Variants in DAB1 observed in about 807,000 individuals in gnomAD.
DAB1 encodes the protein disabled homolog 1.
Under a neutral mutation model 64.6 loss-of-function variants are expected in DAB1, and 15 were observed. The ratio of observed to expected loss-of-function variants is 0.23; its 90% CI spans 0.16 to 0.36. The LOEUF (loss-of-function observed/expected upper bound fraction) is 0.36. Among genes scored for constraint, DAB1 ranks in the 10% least tolerant of loss-of-function variants. The pLI, the probability that DAB1 is intolerant of heterozygous loss-of-function variation, is 1.00. For synonymous variants in DAB1, 235 were observed against 251.9 expected (o/e 0.93, Z 0.64); for missense variants, 596 against 706.7 (o/e 0.84, Z 1.78).
At chr1:57,623,023 C>T (rs982230895) in intron 7 of DAB1, among the ~76,000 whole-genome samples, 1 of 152,152 alleles carries the variant, frequency 6.6e-6, no homozygotes, top group Non-Finnish European at 1.5e-5. Context: ...TATAGAAGGG[C>T]TATTAGTCTT....
chr1:57,371,697 A>G (rs1261539257), intron 1 of DAB1, among the ~76,000 whole-genome samples: 3 of 152,210 alleles, frequency 2.0e-5, no homozygotes, highest in Non-Finnish European at 4.4e-5. Flanking sequence ...TCAGGTTTGC[A>G]TCTACATCTT....
chr1:57,956,271 A>G (rs1452011269), intron 5 of DAB1, among the ~76,000 whole-genome samples: 1 of 152,136 alleles, frequency 6.6e-6, no homozygotes, highest in Non-Finnish European at 1.5e-5. Context: ...ATCCTAGGGG[A>G]TGAAGCAGTA....
chr1:57,409,762 T>C (rs1336777311), intron 1 of DAB1, among the ~76,000 whole-genome samples: 1 of 152,168 alleles, frequency 6.6e-6, no homozygotes, highest in African/African-American at 2.4e-5. Flanking sequence ...TGAGCTGAGA[T>C]TGTGCCACTA....
intron 5 of DAB1, among the ~76,000 whole-genome samples, chr1:58,057,745 C>T (rs1418977913): frequency 2.0e-5 from 3 of 152,148 alleles, no homozygotes; most frequent in Non-Finnish European, 4.4e-5. Flanking sequence ...TTAAGCTACC[C>T]CAGTTTGTGG....
intron 4 of DAB1, among the ~76,000 whole-genome samples, chr1:58,241,305 G>A (rs1230325194): frequency 7.4e-6 from 1 of 135,846 alleles, no homozygotes; most frequent in African/African-American, 3.0e-5. Flanking sequence ...ACAATCCATT[G>A]TTAAATGAAA....
intron 5 of DAB1, among the ~76,000 whole-genome samples, chr1:57,992,995 G>A (rs1339201470): frequency 6.6e-6 from 1 of 152,058 alleles, no homozygotes; most frequent in Non-Finnish European, 1.5e-5. Flanking sequence ...GTAAATCTCA[G>A]TACACCTTTT....
At chr1:57,516,726 G>C (rs905237159) in intron 7 of DAB1, among the ~76,000 whole-genome samples, 7 of 152,112 alleles carry the variant, frequency 4.6e-5, no homozygotes, top group African/African-American at 1.4e-4. Context: ...TCTTGAACTG[G>C]TTGGGCTCCT....
chr1:57,920,245 T>C lies in DAB1; in HGVS notation n.388-36083A>G, dbSNP rs561032684. 3.9e-5 allele frequency among the ~76,000 whole-genome samples: 6 copies of C among 152,304 alleles called. No homozygotes were observed. The South Asian group carries it at 1.0e-3, about 26-fold the overall frequency. ...TCTTTCCAAGGCCTTATTCAGTTGA[T>C]GTTTGAGTACCTCCAGGAACAGGGA... On this transcript the variant is annotated intron_variant and non_coding_transcript_variant, in intron 5 of 20. Transcript: ENST00000485760.
chr1:57,665,675 A>G (rs902005930), intron 6 of DAB1, among the ~76,000 whole-genome samples: 3 of 152,158 alleles, frequency 2.0e-5, no homozygotes, highest in African/African-American at 7.2e-5. Context: ...GTATTTAAGG[A>G]TGCTTTATAG....
intron 4 of DAB1, among the ~76,000 whole-genome samples, chr1:58,199,011 G>A (rs1260772139): frequency 3.3e-5 from 5 of 152,176 alleles, no homozygotes; most frequent in Non-Finnish European, 5.9e-5. Flanking sequence ...GGAGGCTGAC[G>A]CAGAAGAATC....
rs995736757 is a variant in DAB1 at position 57,641,657 on chromosome 1, C to CT, written n.625+7934dup. ...CCTCAGTCTCCCAAAGTGCTGGTTC[C>CT]TTTTTTTTTTATAATTCAGTAACCC... On this transcript the variant is annotated intron_variant and non_coding_transcript_variant, in intron 7 of 20. Coordinates refer to the DAB1 transcript ENST00000485760. Among the ~76,000 whole-genome samples the CT allele has an allele frequency of 9.2e-3, 1,354 of 147,192 alleles. 8 individuals are homozygous for CT. Among genetic ancestry groups the CT allele is most frequent in the Non-Finnish European group, 0.013 (849 of 66,454 alleles).
chr1:57,725,306 G>C (rs1321909505), intron 6 of DAB1, among the ~76,000 whole-genome samples: 4 of 152,132 alleles, frequency 2.6e-5, no homozygotes, highest in Non-Finnish European at 5.9e-5. Flanking sequence ...AATTAAAATA[G>C]CTTATCAAGA....
At chr1:57,068,959 A>G (rs576105113) in intron 8 of DAB1, among the ~76,000 whole-genome samples, 1 of 152,336 alleles carries the variant, frequency 6.6e-6, no homozygotes, top group South Asian at 2.1e-4. Context: ...GTTTTCACAC[A>G]TCATTTGAAA....
intron 2 of DAB1, among the ~76,000 whole-genome samples, chr1:57,164,106 C>T (rs778681138): frequency 6.6e-6 from 1 of 152,018 alleles, no homozygotes; most frequent in Non-Finnish European, 1.5e-5. Context: ...TTTGAGGTCT[C>T]GGAATGAAAT....
intron 3 of DAB1, among the ~76,000 whole-genome samples, chr1:58,368,846 G>C (rs1486942377): frequency 6.6e-6 from 1 of 152,146 alleles, no homozygotes; most frequent in Non-Finnish European, 1.5e-5. Flanking sequence ...TGGACAACAT[G>C]GGAAACCCCA....
At chr1:58,306,719 C>T (rs894339504) in intron 4 of DAB1, among the ~76,000 whole-genome samples, 15 of 152,174 alleles carry the variant, frequency 9.9e-5, no homozygotes, top group African/African-American at 3.4e-4. Context: ...TGTTTGGAGG[C>T]ATATTCTACA....
chr1:57,606,409 T>C (rs1405421798), intron 7 of DAB1, among the ~76,000 whole-genome samples: 1 of 128,750 alleles, frequency 7.8e-6, no homozygotes, highest in African/African-American at 2.9e-5. Flanking sequence ...ATATTATATA[T>C]ATGATATATA....
intron 5 of DAB1, among the ~76,000 whole-genome samples, chr1:58,063,305 G>A (rs572291034): frequency 3.3e-5 from 5 of 152,152 alleles, no homozygotes; most frequent in Non-Finnish European, 7.4e-5. Context: ...ATTTCGTGAC[G>A]CAAGAAAAAA....
At chr1:57,519,876 C>T (rs1570591816) in intron 7 of DAB1, among the ~76,000 whole-genome samples, 3 of 152,140 alleles carry the variant, frequency 2.0e-5, no homozygotes, top group South Asian at 2.1e-4. Context: ...AATATATGCT[C>T]ATTATAGAAA....
Sources: gnomAD v4.1 joint callset for allele counts (sites outside exome capture counted in the v4.1 genomes callset) on GRCh38, gnomAD v4.1.1 for gene constraint, MANE v1.5 for transcripts, NCBI Gene and HGNC (gene_info 2026-07-23, HGNC 2026-07-21) for gene names.